Variants in DEF8 observed in about 807,000 individuals in gnomAD.
DEF8 encodes the protein differentially expressed in FDCP 8 homolog.
DEF8 carries 38 observed loss-of-function variants against 59.1 expected under a neutral mutation model. The ratio of observed to expected loss-of-function variants is 0.64; its 90% confidence interval spans 0.50 to 0.84. DEF8 has a LOEUF of 0.84. DEF8 is among the 40% of genes least tolerant of loss of function. The pLI, the probability that DEF8 is intolerant of heterozygous loss-of-function variation, is 0.00. For synonymous variants in DEF8, 265 were observed against 250.1 expected, an observed-to-expected ratio of 1.06 and a Z score of -0.56; for missense variants, 557 against 615.2, an observed-to-expected ratio of 0.91 and a Z score of 1.00.
chr16:89,954,504 G>A lies in DEF8; in HGVS notation c.124+128G>A, dbSNP rs2032780794. 3 of 1,042,684 alleles carry A rather than the reference G, an allele frequency of 2.9e-6. No individual in the cohort carries two copies. The South Asian group carries it at 4.8e-5, about 17-fold the overall frequency. The allele number at this position is 1,042,684 out of a possible 1,614,324, so 64.6% of individuals were successfully genotyped here. A position where few individuals can be genotyped will look rare whatever the true frequency, so the allele number is the denominator to read the frequency against. On this transcript the variant is annotated intron_variant, in intron 3 of 12. Transcript: ENST00000563594. This position sits in a 1 kb window ranked among gnomAD's most constrained non-coding sequence, Gnocchi z 4.3. Reference sequence around the variant, plus strand: ...CACGGAGCCGGCACCTGCTGGCTGTGTTCTTTTTCCCATCTCTTCTGTGGT... The same window carrying A: ...CACGGAGCCGGCACCTGCTGGCTGTATTCTTTTTCCCATCTCTTCTGTGGT...
chr16:89,954,372 T>G lies in DEF8; in HGVS notation c.120T>G (p.Pro40=). The G allele has an allele frequency of 6.2e-7, 1 of 1,613,192 alleles. No individual in the cohort carries two copies. Among genetic ancestry groups the G allele is most frequent in the South Asian group, 1.1e-5 (1 of 91,002 alleles). Residue 40 remains proline (P), a synonymous_variant, in exon 3 of 13, where the codon CCT becomes CCG. Coordinates refer to ENST00000563594, the MANE Select transcript of DEF8 (RefSeq NM_001242818.2). The surrounding 1 kb of genome is among the most constrained non-coding windows in gnomAD (Gnocchi z 4.3). Reference sequence around the variant, plus strand: ...GGGAGGAGGTCCCGGACGTCACTCCTGAAGGTGGGTGCTGGTGGGAGTCAG... The same window carrying G: ...GGGAGGAGGTCCCGGACGTCACTCCGGAAGGTGGGTGCTGGTGGGAGTCAG... ...GPGEEVPDVT[P]EEALPELPPG...
intron 12 of DEF8, 108 bp downstream of exon 12, chr16:89,964,683 C>T (rs959877259): frequency 2.6e-6 from 2 of 781,990 alleles, no homozygotes; most frequent in South Asian, 1.6e-5. Context: ...TGGCACTGCT[C>T]CCCCGAGAAA....
rs556086950 is a variant in DEF8, at chr16:89,954,558, G to A, written c.124+182G>A. Among the ~76,000 whole-genome samples, 36 of 152,308 alleles carry A rather than the reference G, an allele frequency of 2.4e-4. No homozygotes were observed. The South Asian group carries it at 7.5e-3, about 32-fold the overall frequency. ...GTGGTTTGTTTCTGTGTCCCCACTA[G>A]AATTCACATTCCTGAGGGCAAGATT... On this transcript the variant is annotated intron_variant, in intron 3 of 12. Coordinates refer to ENST00000563594, the MANE Select transcript of DEF8 (RefSeq NM_001242818.2). This position sits in a 1 kb window ranked among gnomAD's most constrained non-coding sequence, Gnocchi z 4.3.
Position 89,949,626 on chromosome 16 carries a change from C to T in DEF8, c.-11+113C>T, listed in dbSNP as rs776768685. 1.9e-6 allele frequency: 3 copies of T among 1,611,856 alleles called. No individual in the cohort carries two copies. Among genetic ancestry groups the T allele is most frequent in the East Asian group, 2.2e-5 (1 of 44,866 alleles). Reference sequence around the variant, plus strand: ...CCTGGTGGTCACGCCGCGGGCAGGACGCGGGAGGCCAGGTCCGTGCATCCC... The same window carrying T: ...CCTGGTGGTCACGCCGCGGGCAGGATGCGGGAGGCCAGGTCCGTGCATCCC... On this transcript the variant is annotated intron_variant, in intron 2 of 12. Coordinates refer to ENST00000563594, the MANE Select transcript of DEF8 (RefSeq NM_001242818.2).
intron 2 of DEF8, 51 bp downstream of exon 2, chr16:89,949,564 G>T (rs145478578): frequency 1.1e-5 from 17 of 1,613,314 alleles, no homozygotes; most frequent in African/African-American, 2.7e-5. Context: ...TGACTTCTCA[G>T]GTTCTCGGGG....
chr16:89,964,534 C>A lies in DEF8; in HGVS notation c.1212C>A (p.Ser404Arg). The change falls in exon 12 of 13, where the codon AGC becomes AGA. Residue 404 changes from serine (S) to arginine (R), a missense_variant. Physicochemically the swap from Ser to Arg is moderately radical, Grantham distance 110 (BLOSUM62 -1). Transcript: ENST00000563594. ...GCGACGTGCTGTTCCCGTTCGACAGCCACACGTCTGTGTGCGCCGACTGCT... is the reference window on the plus strand; with the variant it reads ...GCGACGTGCTGTTCCCGTTCGACAGACACACGTCTGTGTGCGCCGACTGCT... Reference protein sequence around the residue: ...REGDVLFPFDSHTSVCADCSA... With the variant: ...REGDVLFPFDRHTSVCADCSA... 6.3e-7 allele frequency: 1 copy of A among 1,593,620 alleles called. No homozygotes were observed. The highest frequency in any genetic ancestry group is 1.7e-5 in the Admixed American group (1 of 57,314).
chr16:89,963,662 C>T (rs2151215878), intron 10 of DEF8: 1 of 569,694 alleles, frequency 1.8e-6, no homozygotes, highest in African/African-American at 1.9e-5. Flanking sequence ...ATGTGAATCT[C>T]CATGGGGTGG....
chr16:89,957,711 C>G (rs2033445883), intron 5 of DEF8, 51 bp downstream of exon 5: 1 of 1,482,040 alleles, frequency 6.7e-7, no homozygotes, highest in African/African-American at 1.4e-5. Context: ...GAGGCCAGAA[C>G]TGTGGAACTA....
chr16:89,962,644 G>A (rs898936733), intron 9 of DEF8, among the ~76,000 whole-genome samples: 6 of 152,130 alleles, frequency 3.9e-5, no homozygotes, highest in African/African-American at 9.7e-5. Flanking sequence ...CAACAAGAGC[G>A]AAACTCTGTC....
chr16:89,950,596 G>A (rs540444917), intron 2 of DEF8, among the ~76,000 whole-genome samples: 1 of 152,216 alleles, frequency 6.6e-6, no homozygotes, highest in Admixed American at 6.5e-5. Context: ...CACCATGTTG[G>A]TCAGGCTGGT....
intron 4 of DEF8, among the ~76,000 whole-genome samples, chr16:89,955,983 G>A (rs1597481098): frequency 1.3e-5 from 2 of 152,228 alleles, no homozygotes; most frequent in Non-Finnish European, 2.9e-5. Context: ...TGAGGTAGGA[G>A]AATGATGTGA....
chr16:89,964,074 G>A lies in DEF8; in HGVS notation c.1003-96G>A, dbSNP rs775298800. On this transcript the variant is annotated intron_variant, in intron 10 of 12. Transcript: ENST00000563594. The stretch of plus-strand genomic sequence containing the variant: ...AGACCCTTGTGTAGCTCGTTTCTCT[G>A]TGAGCACCTGGGCCCTGACCACTGC... 5.9e-6 allele frequency: 9 copies of A among 1,526,382 alleles called. No individual in the cohort carries two copies. In the East Asian group the frequency reaches 1.8e-4, roughly 31 times the overall value. The allele number at this position is 1,526,382 out of a possible 1,614,324, so 94.6% of individuals were successfully genotyped here. A position where few individuals can be genotyped will look rare whatever the true frequency, so the allele number is the denominator to read the frequency against.
chr16:89,949,547 A>G, intron 2 of DEF8, 34 bp downstream of exon 2: 1 of 1,612,476 alleles, frequency 6.2e-7, no homozygotes, highest in Non-Finnish European at 8.5e-7. Context: ...GACTCCGCAC[A>G]CCGGGGTGAC....
chr16:89,962,761 G>T (rs2151209177), intron 9 of DEF8, among the ~76,000 whole-genome samples: 1 of 152,372 alleles, frequency 6.6e-6, no homozygotes, highest in South Asian at 2.1e-4. Context: ...GTACATTTTT[G>T]AGATATTTGC....
rs2034644605 is a variant in DEF8 at position 89,967,130 on chromosome 16, G to A, written c.*1167G>A. ...CACGAGGGGCCTCAGGAGAGGACGT[G>A]TCAGGACGTGGCTTCCCAGCCTTCT... On this transcript the variant is annotated 3_prime_UTR_variant, in exon 13 of 13. Coordinates refer to ENST00000563594, the MANE Select transcript of DEF8 (RefSeq NM_001242818.2). 1 of 396,974 alleles carries A rather than the reference G, an allele frequency of 2.5e-6. No individual in the cohort carries two copies. The highest frequency in any genetic ancestry group is 4.4e-5 in the Admixed American group (1 of 22,714). 24.6% of individuals were successfully genotyped at this position (396,974 alleles called of 1,614,324 possible).
At position 89,964,491 on chromosome 16, in the gene DEF8, G is replaced by T; in HGVS notation, c.1169G>T (p.Cys390Phe). 1 of 1,598,384 alleles carries T rather than the reference G, an allele frequency of 6.3e-7. No individual in the cohort carries two copies. Among genetic ancestry groups the T allele is most frequent in the Non-Finnish European group, 8.5e-7 (1 of 1,172,848 alleles). The stretch of plus-strand genomic sequence containing the variant: ...CGGTGCCAGGCCAAGGGCTTCGTGT[G>T]TGAGCTCTGCAGAGAGGGCGACGTG... ...CERCQAKGFVCELCREGDVLF... is the reference protein window; with the variant it reads ...CERCQAKGFVFELCREGDVLF... The change falls in exon 12 of 13, where the codon TGT becomes TTT. Residue 390 changes from cysteine (C) to phenylalanine (F), a missense_variant. Physicochemically the swap from Cys to Phe is radical, Grantham distance 205 (BLOSUM62 -2). Coordinates refer to ENST00000563594, the MANE Select transcript of DEF8 (RefSeq NM_001242818.2).
intron 4 of DEF8, among the ~76,000 whole-genome samples, chr16:89,956,076 GA>G (rs11446223): frequency 2.7e-5 from 4 of 149,778 alleles, no homozygotes; most frequent in Non-Finnish European, 4.5e-5. Context: ...CCGTCTCAAA[GA>G]AAAAAAAAGT....
At position 89,965,845 on chromosome 16, in the gene DEF8, C is replaced by T; in HGVS notation, c.1254-16C>T. ...AGTTTCCTGTGCAGAGAGCCCCGAC[C>T]TCTTTCTGCCCCCAGGGACTGCTAC... On this transcript the variant is annotated splice_polypyrimidine_tract_variant and intron_variant, in intron 12 of 12. Coordinates refer to ENST00000563594, the MANE Select transcript of DEF8 (RefSeq NM_001242818.2). The T allele has an allele frequency of 6.3e-7, 1 of 1,592,516 alleles. No individual in the cohort carries two copies. The highest frequency in any genetic ancestry group is 8.6e-7 in the Non-Finnish European group (1 of 1,161,962).
intron 10 of DEF8, chr16:89,963,724 G>A: frequency 1.9e-6 from 1 of 523,836 alleles, no homozygotes; most frequent in South Asian, 2.3e-5. Flanking sequence ...AGTTTTCAAG[G>A]TTCATCTAAT....
Sources: gnomAD v4.1 joint callset for allele counts (sites outside exome capture counted in the v4.1 genomes callset) on GRCh38, gnomAD v4.1.1 for gene constraint, Gnocchi (gnomAD v3.1) non-coding constraint, MANE v1.5 for transcripts, NCBI Gene and HGNC (gene_info 2026-07-23, HGNC 2026-07-21) for gene names.